Variants in GSTM4 observed in about 807,000 individuals in gnomAD.
GSTM4 encodes glutathione S-transferase mu 4, also known as GST class-mu 4.
In GSTM4, 27 loss-of-function variants were observed where a neutral mutation model predicts 30.1. The observed-to-expected ratio is 0.90, with a 90% CI of 0.66 to 1.24. The LOEUF (loss-of-function observed/expected upper bound fraction) is 1.24, where lower values mean the gene tolerates loss of function less well. GSTM4 is among the 50% of genes most tolerant of loss of function. GSTM4 has a pLI of 0.00. For synonymous variants in GSTM4, 94 were observed against 96.2 expected (o/e 0.98, Z 0.13); for missense variants, 238 against 272.1 (o/e 0.87, Z 0.88).
Position 109,659,847 on chromosome 1 carries a change from G to A in GSTM4, c.567+737G>A, listed in dbSNP as rs757439043. Reference sequence around the variant, plus strand: ...CACACTGATTTTACTGCTATTCACCGACCTTCTCCTCTGCATGAGGCAGGG... The same window carrying A: ...CACACTGATTTTACTGCTATTCACCAACCTTCTCCTCTGCATGAGGCAGGG... On this transcript the variant is annotated intron_variant, in intron 7 of 7. Transcript: ENST00000369836. 58 of 610,880 alleles carry A rather than the reference G, an allele frequency of 9.5e-5. 1 individual carries two copies. The Middle Eastern group carries it at 8.6e-3, about 90-fold the overall frequency. The allele number at this position is 610,880 out of a possible 1,614,324, so 37.8% of individuals were successfully genotyped here. A position where few individuals can be genotyped will look rare whatever the true frequency, so the allele number is the denominator to read the frequency against.
At chr1:109,664,446 G>T (rs71657110), downstream of GSTM4, among the ~76,000 whole-genome samples, 6 of 134,110 alleles carry the variant, frequency 4.5e-5, no homozygotes, top group African/African-American at 1.7e-4. Context: ...TGCAACCTCC[G>T]CCTCCTGAGT....
downstream of GSTM4, among the ~76,000 whole-genome samples, chr1:109,664,430 G>A (rs1221588500): frequency 7.4e-6 from 1 of 135,468 alleles, no homozygotes; most frequent in African/African-American, 2.9e-5. Context: ...CGCGATCTCA[G>A]CTCACTGCAA....
chr1:109,665,085 T>C (rs1647274690), downstream of GSTM4: 1 of 1,054,488 alleles, frequency 9.5e-7, no homozygotes. Context: ...AGATGGCAGG[T>C]AAAATCATTG....
chr1:109,664,020 C>G (rs955835401), downstream of GSTM4, among the ~76,000 whole-genome samples: 2 of 152,200 alleles, frequency 1.3e-5, no homozygotes, highest in African/African-American at 4.8e-5. Flanking sequence ...CTCTTAGGTT[C>G]TGCAGTTTTT....
At chr1:109,660,623 C>A (rs1384765283) in intron 7 of GSTM4, 1 of 162,012 alleles carries the variant, frequency 6.2e-6, no homozygotes, top group Non-Finnish European at 1.4e-5. Context: ...TCTGTGTGTG[C>A]AAACCTAGGC....
At chr1:109,664,341 C>CCTTTTTTTTT (rs1647226667), downstream of GSTM4, among the ~76,000 whole-genome samples, 1 of 35,742 alleles carries the variant, frequency 2.8e-5, no homozygotes, top group Non-Finnish European at 4.9e-5. Flanking sequence ...GAGAGAATAG[C>CCTTTTTTTTT]TTTTTTTTTT....
At chr1:109,656,520 GCTAT>G in intron 1 of GSTM4, 95 bp downstream of exon 1, 1 of 1,367,032 alleles carries the variant, frequency 7.3e-7, no homozygotes, top group Non-Finnish European at 1.0e-6. Context: ...CCTCCTTAGG[GCTAT>G]CTCTCACAGG....
intron 7 of GSTM4, 85 bp from the exon 8 acceptor site, chr1:109,661,080 C>T (rs1652290577): frequency 6.4e-7 from 1 of 1,566,600 alleles, no homozygotes; most frequent in South Asian, 1.1e-5. Context: ...GGCCAGGGCC[C>T]TGACCTGCTG....
chr1:109,662,104 G>A (rs545438489), downstream of GSTM4, among the ~76,000 whole-genome samples: 1 of 152,304 alleles, frequency 6.6e-6, no homozygotes, highest in East Asian at 1.9e-4. Flanking sequence ...TGGGATTGCA[G>A]GTGTGAGCCA....
At chr1:109,658,448 A>G (rs1276868387) in intron 5 of GSTM4, 2 of 266,786 alleles carry the variant, frequency 7.5e-6, no homozygotes, top group Non-Finnish European at 1.4e-5. Context: ...CACTAGGAGG[A>G]ACTTTCAACT....
downstream of GSTM4, chr1:109,661,862 C>A: frequency 4.0e-6 from 1 of 249,542 alleles, no homozygotes; most frequent in Non-Finnish European, 6.5e-6. Context: ...GAAATAAGGT[C>A]TCCTGCTTCC....
rs1462843855 is a variant in GSTM4, at chr1:109,661,530, T to C, written c.*276T>C. 13 of 1,326,930 alleles carry C rather than the reference T, an allele frequency of 9.8e-6. No individual in the cohort carries two copies. The highest frequency in any genetic ancestry group is 1.2e-5 in the Non-Finnish European group (12 of 1,030,538). The allele number at this position is 1,326,930 out of a possible 1,614,324, so 82.2% of individuals were successfully genotyped here. A position where few individuals can be genotyped will look rare whatever the true frequency, so the allele number is the denominator to read the frequency against. On this transcript the variant is annotated 3_prime_UTR_variant, in exon 8 of 8. Coordinates refer to ENST00000369836, the MANE Select transcript of GSTM4 (RefSeq NM_000850.5). ...GCACTAAAGCCAGCCTGACCTTCCT[T>C]CCTGTTAGTGGTTGTATCTGCTTTG...
At chr1:109,657,449 CA>C in intron 3 of GSTM4, 140 bp from the exon 4 acceptor site, 4 of 1,441,286 alleles carry the variant, frequency 2.8e-6, no homozygotes, top group Non-Finnish European at 2.9e-6. Context: ...CTCATTTGTT[CA>C]TGTGACAGTA....
At chr1:109,662,538 G>T (rs927624212), downstream of GSTM4, among the ~76,000 whole-genome samples, 1 of 152,172 alleles carries the variant, frequency 6.6e-6, no homozygotes, top group African/African-American at 2.4e-5. Context: ...AATCAACAAA[G>T]GTCTTTTCTC....
chr1:109,657,518 C>T (rs992895880), intron 3 of GSTM4, 72 bp from the exon 4 acceptor site: 24 of 1,602,760 alleles, frequency 1.5e-5, no homozygotes, highest in Middle Eastern at 1.7e-4. Flanking sequence ...CCCCTCTGCC[C>T]TTGCATATGG....
At chr1:109,665,960 C>T (rs1025946207), downstream of GSTM4, among the ~76,000 whole-genome samples, 13 of 152,144 alleles carry the variant, frequency 8.5e-5, no homozygotes, top group Admixed American at 2.0e-4. Context: ...ATTATATATT[C>T]GACTTTTGGC....
At chr1:109,665,138 G>C (rs1647275294), downstream of GSTM4, 5 of 793,302 alleles carry the variant, frequency 6.3e-6, no homozygotes. Context: ...CTTTGAATCA[G>C]AAGACAGCAA....
At chr1:109,663,624 C>T (rs1281964734), downstream of GSTM4, among the ~76,000 whole-genome samples, 1 of 151,612 alleles carries the variant, frequency 6.6e-6, no homozygotes, top group African/African-American at 2.4e-5. Flanking sequence ...GAGATCACGC[C>T]ACTGCACACT....
At chr1:109,657,985 T>A (rs971856559) in intron 5 of GSTM4, 113 bp downstream of exon 5, 9 of 815,580 alleles carry the variant, frequency 1.1e-5, no homozygotes, top group Non-Finnish European at 1.4e-5. Flanking sequence ...TTCCCTGTAC[T>A]GTAGCAGAGT....
Sources: allele counts gnomAD v4.1 joint callset (sites outside exome capture counted in the v4.1 genomes callset), GRCh38; gene constraint gnomAD v4.1.1; transcripts MANE v1.5; gene names NCBI Gene and HGNC (gene_info 2026-07-23, HGNC 2026-07-21).